The following MOV10L1 variants were observed in gnomAD, a reference collection of about 807,000 sequenced individuals.
MOV10L1 encodes the protein RNA helicase Mov10l1.
In MOV10L1, 110 loss-of-function variants were observed where a neutral mutation model predicts 143.8. The ratio of observed to expected loss-of-function variants is 0.76; its 90% confidence interval spans 0.66 to 0.90. The LOEUF is 0.90. MOV10L1 is among the 40% of genes least tolerant of loss of function. The pLI is 0.00. For missense variants in MOV10L1, 1,406 were observed against 1,526.8 expected (o/e 0.92, Z 1.32); for synonymous variants, 593 against 581.1 (o/e 1.02, Z -0.29).
chr22:50,126,060 G>A (rs2062495601), intron 11 of MOV10L1, 142 bp from the exon 12 acceptor site: 1 of 565,868 alleles, frequency 1.8e-6, no homozygotes, highest in Non-Finnish European at 3.2e-6. Flanking sequence ...TCAAAGTGCT[G>A]GGATTACAGG....
intron 2 of MOV10L1, chr22:50,095,572 TCA>T (rs1462314359): frequency 6.6e-6 from 1 of 152,204 alleles, no homozygotes; most frequent in African/African-American, 2.4e-5. Flanking sequence ...GGTCGTGTAC[TCA>T]CACGCGGCCT....
chr22:50,142,231 C>G, intron 16 of MOV10L1, 42 bp downstream of exon 16: 1 of 1,524,284 alleles, frequency 6.6e-7, no homozygotes, highest in Non-Finnish European at 9.0e-7. Context: ...AACTCTGAGA[C>G]TGTCGCCTGG....
In MOV10L1 at chr22:50,144,185, G is replaced by T. The variant is rs1479684172; in HGVS notation, c.2447G>T (p.Ser816Ile). ...ADLVCLRLHE[S>I]KVLQPATMVR... ...CTCGTGTGTCTGCGGCTGCACGAGAGCAAGGTGCTACAGCCGGCCACCATG... is the reference window on the plus strand; with the variant it reads ...CTCGTGTGTCTGCGGCTGCACGAGATCAAGGTGCTACAGCCGGCCACCATG... Residue 816 changes from serine to isoleucine, a missense_variant, in exon 18 of 27, where the codon AGC becomes ATC. Ser to Ile is a moderately radical substitution (Grantham distance 142). Coordinates refer to ENST00000262794, the MANE Select transcript of MOV10L1 (RefSeq NM_018995.3). 6.2e-7 allele frequency: 1 copy of T among 1,613,172 alleles called. No homozygotes were observed. The highest frequency in any genetic ancestry group is 2.2e-5 in the East Asian group (1 of 44,864).
rs186260170 is a variant in MOV10L1, at chr22:50,159,559, G to A, written c.3217-119G>A. ...AGAGGTTGCAGTGAGCCGAGATCAC[G>A]CCACTGCACTGCAGCCTGGGTGACA... is the stretch of plus-strand genomic sequence containing the variant. On this transcript the variant is annotated intron_variant, in intron 23 of 26. Coordinates refer to ENST00000262794, the MANE Select transcript of MOV10L1 (RefSeq NM_018995.3). The surrounding 1 kb of genome is among the most constrained non-coding windows in gnomAD (Gnocchi z 4.1). 5.5e-4 allele frequency: 307 copies of A among 556,268 alleles called. 2 individuals carry two copies. Among genetic ancestry groups the A allele is most frequent in the African/African-American group, 5.4e-3 (272 of 49,964 alleles). The allele number at this position is 556,268 out of a possible 1,614,324, so 34.5% of individuals were successfully genotyped here.
rs756685083 is a variant in MOV10L1, at chr22:50,142,231, CTG to C, written c.2179+44_2179+45del. On this transcript the variant is annotated intron_variant, in intron 16 of 26. Transcript: ENST00000262794. ...GGCAAGGAGAAGAGCAACTCTGAGA[CTG>C]TCGCCTGGAAAACGGGGACTTTGAG... The C allele has an allele frequency of 3.3e-6, 5 of 1,524,284 alleles. No homozygotes were observed. In the Admixed American group the frequency reaches 9.5e-5, roughly 29 times the overall value. 94.4% of individuals were successfully genotyped at this position (1,524,284 alleles called of 1,614,324 possible).
At position 50,115,012 on chromosome 22, in the gene MOV10L1, C is replaced by A. The variant is rs554756086; in HGVS notation, c.1127-102C>A. 4.1e-5 allele frequency: 53 copies of A among 1,303,990 alleles called. No individual in the cohort carries two copies. In the African/African-American group the frequency reaches 7.6e-4, roughly 19 times the overall value. The allele number at this position is 1,303,990 out of a possible 1,614,324, so 80.8% of individuals were successfully genotyped here. ...GCCCCGTGTTTTTGTGTGCATCTGT[C>A]TTTGTGTGTGTGAGAGAGTATTCAT... On this transcript the variant is annotated intron_variant, in intron 7 of 26. Transcript: ENST00000262794.
At chr22:50,140,328 G>T (rs1428649669) in intron 15 of MOV10L1, among the ~76,000 whole-genome samples, 1 of 152,158 alleles carries the variant, frequency 6.6e-6, no homozygotes, top group Admixed American at 6.5e-5. Flanking sequence ...TTGTGCTGAT[G>T]GTTTTATGGG....
At chr22:50,146,743 C>T (rs2063162853) in intron 19 of MOV10L1, among the ~76,000 whole-genome samples, 1 of 152,158 alleles carries the variant, frequency 6.6e-6, no homozygotes, top group South Asian at 2.1e-4. Context: ...GTCAGCTCCA[C>T]ATGGAGCAAA....
intron 9 of MOV10L1, among the ~76,000 whole-genome samples, chr22:50,119,039 T>G (rs1238676006): frequency 6.6e-6 from 1 of 152,084 alleles, no homozygotes. Flanking sequence ...GGATCGAGTT[T>G]TAATGACAGG....
chr22:50,144,291 A>T, intron 18 of MOV10L1, 48 bp downstream of exon 18: 1 of 1,553,902 alleles, frequency 6.4e-7, no homozygotes, highest in South Asian at 1.2e-5. Context: ...CCCTCCCTGG[A>T]ACATAGGAAA....
intron 15 of MOV10L1, among the ~76,000 whole-genome samples, chr22:50,135,700 G>A (rs559555090): frequency 2.1e-4 from 31 of 148,006 alleles, no homozygotes; most frequent in East Asian, 4.0e-4. Flanking sequence ...GCAGTGAGCC[G>A]AGATCACGCC....
At chr22:50,129,687 C>T (rs1327620842) in intron 13 of MOV10L1, among the ~76,000 whole-genome samples, 1 of 152,156 alleles carries the variant, frequency 6.6e-6, no homozygotes, top group Non-Finnish European at 1.5e-5. Context: ...GATCGGTGCC[C>T]TTTCTGTAAT....
chr22:50,126,365 C>A, intron 12 of MOV10L1, 93 bp downstream of exon 12: 1 of 837,742 alleles, frequency 1.2e-6, no homozygotes, highest in Non-Finnish European at 1.9e-6. Flanking sequence ...TGGGGAGATG[C>A]TCCCATATGC....
intron 3 of MOV10L1, among the ~76,000 whole-genome samples, chr22:50,102,715 A>C (rs898686227): frequency 6.6e-6 from 1 of 152,110 alleles, no homozygotes; most frequent in Non-Finnish European, 1.5e-5. Context: ...CAGCCTGACC[A>C]ACATGGAGAA....
At chr22:50,143,623 G>A (rs1413925221) in intron 17 of MOV10L1, among the ~76,000 whole-genome samples, 2 of 152,152 alleles carry the variant, frequency 1.3e-5, no homozygotes, top group Non-Finnish European at 2.9e-5. Context: ...CCATCGTAAT[G>A]GGATTTGGGA....
In MOV10L1 at chr22:50,106,325, CTTTTTTTTTTTTTT is replaced by C. The variant is rs1165257394; in HGVS notation, c.443-1801_443-1788del. 8.0e-3 allele frequency among the ~76,000 whole-genome samples: 754 copies of C among 94,574 alleles called. 11 individuals carry two copies. Among genetic ancestry groups the C allele is most frequent in the African/African-American group, 0.028 (709 of 25,080 alleles). The allele number at this position is 94,574 out of a possible 152,430, so 62.0% of individuals were successfully genotyped here. On this transcript the variant is annotated intron_variant, in intron 3 of 26. Transcript: ENST00000262794. The stretch of plus-strand genomic sequence containing the variant: ...TCATGCCACCACACCCCAACTAATT[CTTTTTTTTTTTTTT>C]TTTTTTTTTAGAGATGGGATCTTAC...
Position 50,113,659 on chromosome 22 carries a change from C to T in MOV10L1, c.755C>T (p.Pro252Leu). The T allele has an allele frequency of 1.2e-6, 2 of 1,613,670 alleles. No homozygotes were observed. The highest frequency in any genetic ancestry group is 2.7e-5 in the African/African-American group (2 of 74,998). Reference sequence around the variant, plus strand: ...GGCTCTTTTTTCAGAGACGCCGCCCCTGTTCATGAGGCCACTCATTTCTAT... The same window carrying T: ...GGCTCTTTTTTCAGAGACGCCGCCCTTGTTCATGAGGCCACTCATTTCTAT... ...MTLVKRRDAA[P>L]VHEATHFYGT... The change falls in exon 6 of 27, where the codon CCT (proline) becomes CTT (leucine). Residue 252 changes from proline to leucine, a missense_variant. Physicochemically the swap from Pro to Leu is moderately conservative, Grantham distance 98. Coordinates refer to ENST00000262794, the MANE Select transcript of MOV10L1 (RefSeq NM_018995.3).
Position 50,108,637 on chromosome 22 carries a change from G to A in MOV10L1, c.556-20G>A, listed in dbSNP as rs752076669. On this transcript the variant is annotated intron_variant, in intron 4 of 26. Coordinates refer to ENST00000262794, the MANE Select transcript of MOV10L1 (RefSeq NM_018995.3). ...TCATGCAGCATCTGCTTCCTGTGACGCTCAGCTCTCTGCTCCCAGGTCTGC... is the reference window on the plus strand; with the variant it reads ...TCATGCAGCATCTGCTTCCTGTGACACTCAGCTCTCTGCTCCCAGGTCTGC... The A allele has an allele frequency of 3.7e-6, 6 of 1,612,886 alleles. No individual in the cohort carries two copies. The highest frequency in any genetic ancestry group is 2.2e-5 in the East Asian group (1 of 44,870).
At position 50,126,323 on chromosome 22, in the gene MOV10L1, G is replaced by A. The variant is rs369769780; in HGVS notation, c.1818+51G>A. 4.9e-5 allele frequency: 69 copies of A among 1,396,952 alleles called. No individual in the cohort carries two copies. The African/African-American group carries it at 5.3e-4, about 11-fold the overall frequency. The allele number at this position is 1,396,952 out of a possible 1,614,324, so 86.5% of individuals were successfully genotyped here. A position where few individuals can be genotyped will look rare whatever the true frequency, so the allele number is the denominator to read the frequency against. ...TTGTGTTAGACACACCCTTCTGACC[G>A]GTTGGAAAGGTAACGTTCTCCCCAC... On this transcript the variant is annotated intron_variant, in intron 12 of 26. Transcript: ENST00000262794.
Sources: allele counts gnomAD v4.1 joint callset (sites outside exome capture counted in the v4.1 genomes callset), GRCh38; gene constraint gnomAD v4.1.1; non-coding constraint Gnocchi (gnomAD v3.1); transcripts MANE v1.5; gene names NCBI Gene and HGNC (gene_info 2026-07-23, HGNC 2026-07-21).